The following ZEB2 variants were observed in gnomAD, a reference collection of about 807,000 sequenced individuals.
ZEB2 encodes the protein zinc finger E-box-binding homeobox 2.
In ZEB2, 6 loss-of-function variants were observed where a neutral mutation model predicts 99.9. That is an observed-to-expected ratio of 0.06 (90% CI 0.03 to 0.12). The LOEUF (loss-of-function observed/expected upper bound fraction) is 0.12. Among genes scored for constraint, ZEB2 ranks in the 10% least tolerant of loss-of-function variants. The pLI, the probability that ZEB2 is intolerant of heterozygous loss-of-function variation, is 1.00. For synonymous variants in ZEB2, 517 were observed against 542.5 expected, an observed-to-expected ratio of 0.95 and a Z score of 0.65; for missense variants, 969 against 1,502.8, an observed-to-expected ratio of 0.64 and a Z score of 5.87.
At chr2:144,405,157 T>C in intron 4 of ZEB2, 133 bp from the exon 5 acceptor site, 1 of 980,840 alleles carries the variant, frequency 1.0e-6, no homozygotes, top group Non-Finnish European at 1.6e-6. Context: ...GTAAGAAGTG[T>C]TGAAGATGAC....
At chr2:144,400,925 G>A (rs961509627) in intron 7 of ZEB2, among the ~76,000 whole-genome samples, 10 of 151,988 alleles carry the variant, frequency 6.6e-5, no homozygotes, top group African/African-American at 1.9e-4. Flanking sequence ...CTGGAGAAGC[G>A]GTTTTAAAAG....
At chr2:144,417,836 T>C (rs1703561284) in intron 4 of ZEB2, among the ~76,000 whole-genome samples, 1 of 152,184 alleles carries the variant, frequency 6.6e-6, no homozygotes, top group African/African-American at 2.4e-5. Context: ...TTCTCGAATG[T>C]CCTTATCACA....
rs569367341 is a variant in ZEB2 at position 144,416,307 on chromosome 2, C to G, written c.403+8489G>C. On this transcript the variant is annotated intron_variant, in intron 4 of 9. Coordinates refer to ENST00000627532, the MANE Select transcript of ZEB2 (RefSeq NM_014795.4). ...CTTGTATCATTCTTACCCTGCTGAA[C>G]TACGATCCAGTCCAATTTCTGGAGT... Among the ~76,000 whole-genome samples, 9 of 152,306 alleles carry G rather than the reference C, an allele frequency of 5.9e-5. No individual in the cohort carries two copies. In the East Asian group the frequency reaches 1.5e-3, roughly 26 times the overall value.
chr2:144,471,104 A>C (rs528976079), intron 2 of ZEB2, among the ~76,000 whole-genome samples: 1 of 152,268 alleles, frequency 6.6e-6, no homozygotes, highest in East Asian at 1.9e-4. Context: ...TTCACTTGCT[A>C]TGCCTGCATA....
At position 144,403,991 on chromosome 2, in the gene ZEB2, A is replaced by C; in HGVS notation, c.732T>G (p.Pro244=). ...HEKNEENFSC[P]LCSYTFAYRT... is the part of the protein sequence containing the mutation. The stretch of plus-strand genomic sequence containing the variant: ...GGTAGGCAAACGTGTAGCTACAGAG[A>C]GGGCAGGAAAAGTTCTCTTCATTCT... The change falls in exon 6 of 10, where the codon CCT becomes CCG. Residue 244 remains proline (P), a synonymous_variant. Transcript: ENST00000627532. 2.5e-6 allele frequency: 4 copies of C among 1,614,082 alleles called. No individual in the cohort carries two copies. Among genetic ancestry groups the C allele is most frequent in the Non-Finnish European group, 3.4e-6 (4 of 1,180,030 alleles).
intron 2 of ZEB2, among the ~76,000 whole-genome samples, chr2:144,432,852 T>C (rs532488183): frequency 3.1e-4 from 47 of 152,336 alleles, no homozygotes; most frequent in South Asian, 1.0e-3. Flanking sequence ...TTCAATTTTG[T>C]ATAATAACCA....
rs70985858 is a variant in ZEB2 at position 144,483,117 on chromosome 2, G to GACACACACACACACACAC, written c.73+34143_73+34160dup. 7.1e-4 allele frequency among the ~76,000 whole-genome samples: 93 copies of GACACACACACACACACAC among 130,762 alleles called. 1 individual carries two copies. The highest frequency in any genetic ancestry group is 2.3e-3 in the African/African-American group (78 of 33,198). 85.8% of individuals were successfully genotyped at this position (130,762 alleles called of 152,430 possible). A position where few individuals can be genotyped will look rare whatever the true frequency, so the allele number is the denominator to read the frequency against. On this transcript the variant is annotated intron_variant, in intron 2 of 9. Transcript: ENST00000627532. ...AGAGAAAAAGTCAGTGTTTAGGTAA[G>GACACACACACACACACAC]ACACACACACACACACACACACACA...
At chr2:144,412,632 A>G (rs1248124554) in intron 4 of ZEB2, among the ~76,000 whole-genome samples, 2 of 152,246 alleles carry the variant, frequency 1.3e-5, no homozygotes, top group Non-Finnish European at 2.9e-5. Flanking sequence ...GTCCAATTTA[A>G]GAACTCTACA....
intron 2 of ZEB2, among the ~76,000 whole-genome samples, chr2:144,481,192 GA>G (rs200769727): frequency 6.6e-6 from 1 of 152,150 alleles, no homozygotes; most frequent in Non-Finnish European, 1.5e-5. Flanking sequence ...AGGCGCTTAT[GA>G]AAAAATGTTT....
At position 144,399,656 on chromosome 2, in the gene ZEB2, C is replaced by T; in HGVS notation, c.1531G>A (p.Val511Ile). The T allele has an allele frequency of 6.2e-7, 1 of 1,614,202 alleles. No homozygotes were observed. The highest frequency in any genetic ancestry group is 8.5e-7 in the Non-Finnish European group (1 of 1,180,038). Residue 511 changes from valine to isoleucine, a missense_variant, in exon 8 of 10, where the codon GTC becomes ATC. By Grantham distance (29) the Val-to-Ile change is conservative (BLOSUM62 3). Transcript: ENST00000627532. This position sits in a 1 kb window ranked among gnomAD's most constrained non-coding sequence, Gnocchi z 5.6. ...TTATGACTCACTACCGGAAGACCGA[C>T]AGGCGGAATATTAGGAGAAGTAACT... ...QGVTSPNIPP[V>I]GLPVVSHNGA...
At chr2:144,400,534 G>A (rs1377509782) in intron 7 of ZEB2, among the ~76,000 whole-genome samples, 2 of 152,178 alleles carry the variant, frequency 1.3e-5, no homozygotes, top group African/African-American at 2.4e-5. Flanking sequence ...GTCTGCCATC[G>A]GCAGCCTCCT....
At chr2:144,483,117 GACACACACACACACACACACACACACAC>G (rs70985858) in intron 2 of ZEB2, among the ~76,000 whole-genome samples, 3 of 130,682 alleles carry the variant, frequency 2.3e-5, no homozygotes, top group South Asian at 2.6e-4. Context: ...GTTTAGGTAA[GACACACACACACACACACACACACACAC>G]ACACACACAC....
At chr2:144,511,598 C>T in intron 2 of ZEB2, 1 of 1,282,504 alleles carries the variant, frequency 7.8e-7, no homozygotes, top group Non-Finnish European at 1.0e-6. Flanking sequence ...AAAGTTTACC[C>T]TCCCCACAGC....
chr2:144,393,847 G>C (rs568149423), intron 9 of ZEB2, among the ~76,000 whole-genome samples: 2 of 152,178 alleles, frequency 1.3e-5, no homozygotes, highest in African/African-American at 4.8e-5. Context: ...GCAATGTTTC[G>C]AGGCAGCAGC....
chr2:144,512,052 A>G (rs976536430), intron 2 of ZEB2: 3 of 1,287,122 alleles, frequency 2.3e-6, no homozygotes, highest in African/African-American at 3.0e-5. Flanking sequence ...TTGGCCATTC[A>G]GACAATTGCC....
At chr2:144,391,601 T>C (rs1573709438) in intron 9 of ZEB2, among the ~76,000 whole-genome samples, 1 of 152,190 alleles carries the variant, frequency 6.6e-6, no homozygotes, top group Non-Finnish European at 1.5e-5. Flanking sequence ...TGCTTTTCCA[T>C]TTGGAAAGAC....
At chr2:144,477,237 A>T (rs1704442757) in intron 2 of ZEB2, among the ~76,000 whole-genome samples, 1 of 152,246 alleles carries the variant, frequency 6.6e-6, no homozygotes, top group Non-Finnish European at 1.5e-5. Flanking sequence ...TTTAAATATT[A>T]ATTATACCAC....
chr2:144,513,127 A>C (rs775174667), intron 2 of ZEB2: 5 of 1,286,048 alleles, frequency 3.9e-6, no homozygotes, highest in Non-Finnish European at 4.0e-6. Context: ...GAAGGGGTTG[A>C]CTGCATTTTC....
At chr2:144,416,193 G>C (rs1363579988) in intron 4 of ZEB2, among the ~76,000 whole-genome samples, 2 of 152,106 alleles carry the variant, frequency 1.3e-5, no homozygotes, top group Non-Finnish European at 2.9e-5. Context: ...GCCCTGAAAA[G>C]TTTCCTAGTC....
Sources: allele counts gnomAD v4.1 joint callset (sites outside exome capture counted in the v4.1 genomes callset), GRCh38; gene constraint gnomAD v4.1.1; non-coding constraint Gnocchi (gnomAD v3.1); transcripts MANE v1.5; gene names NCBI Gene and HGNC (gene_info 2026-07-23, HGNC 2026-07-21).